CNTNAP2: variants seen among roughly 807,000 people sequenced by gnomAD.
The protein encoded by CNTNAP2 is contactin-associated protein-like 2.
CNTNAP2 carries 98 observed loss-of-function variants against 155.2 expected under a neutral mutation model. The ratio of observed to expected loss-of-function variants is 0.63; its 90% CI spans 0.54 to 0.75. The LOEUF is 0.75. Among genes scored for constraint, CNTNAP2 ranks in the 30% least tolerant of loss-of-function variants. CNTNAP2 has a pLI of 0.00. For synonymous variants in CNTNAP2, 651 were observed against 631.2 expected, an observed-to-expected ratio of 1.03 and a Z score of -0.47; for missense variants, 1,727 against 1,688.1, an observed-to-expected ratio of 1.02 and a Z score of -0.40.
At chr7:147,764,888 G>A (rs1157086356) in intron 13 of CNTNAP2, among the ~76,000 whole-genome samples, 1 of 152,190 alleles carries the variant, frequency 6.6e-6, no homozygotes, top group East Asian at 1.9e-4. Flanking sequence ...TAAGGTTTTG[G>A]TTGTTCAAAA....
chr7:146,972,124 G>A lies in CNTNAP2; in HGVS notation c.403-71783G>A, dbSNP rs1331091511. 3.3e-5 allele frequency among the ~76,000 whole-genome samples: 5 copies of A among 152,096 alleles called. No homozygotes were observed. The East Asian group carries it at 5.8e-4, about 18-fold the overall frequency. On this transcript the variant is annotated intron_variant, in intron 3 of 23. Transcript: ENST00000361727. ...CAATTAATGGTCATTGTAATGTTGA[G>A]GGGGAAAATCATCCTTGAAGATGAT...
chr7:146,149,075 A>C (rs1797996702), intron 1 of CNTNAP2, among the ~76,000 whole-genome samples: 1 of 152,028 alleles, frequency 6.6e-6, no homozygotes, highest in South Asian at 2.1e-4. Flanking sequence ...AGATACACCT[A>C]ATGTAAATGA....
chr7:147,025,859 T>C (rs1798909754), intron 3 of CNTNAP2, among the ~76,000 whole-genome samples: 1 of 141,222 alleles, frequency 7.1e-6, no homozygotes, highest in Non-Finnish European at 1.5e-5. Context: ...TTGTTTTTTT[T>C]TTTTTTAAAT....
At position 148,331,156 on chromosome 7, in the gene CNTNAP2, G is replaced by T. The variant is rs915305300; in HGVS notation, c.3476-52493G>T. Among the ~76,000 whole-genome samples the T allele has an allele frequency of 8.1e-5, 12 of 147,256 alleles. No individual in the cohort carries two copies. In the South Asian group the frequency reaches 2.6e-3, roughly 31 times the overall value. The stretch of plus-strand genomic sequence containing the variant: ...GGATGGATGGATGGAGTGGACAGAT[G>T]GAATGGACGGATGGAATGGATGGAT... On this transcript the variant is annotated intron_variant, in intron 21 of 23. Coordinates refer to ENST00000361727, the MANE Select transcript of CNTNAP2 (RefSeq NM_014141.6).
rs117305364 is a variant in CNTNAP2, at chr7:147,542,211, A to G, written c.1778-19927A>G. ...TCATGTAAGTGCCTCCTCACCTACC[A>G]CACACTTCACCATTTAAAGTGATAT... On this transcript the variant is annotated intron_variant, in intron 11 of 23. Coordinates refer to ENST00000361727, the MANE Select transcript of CNTNAP2 (RefSeq NM_014141.6). Among the ~76,000 whole-genome samples the G allele has an allele frequency of 6.6e-4, 100 of 152,044 alleles. 1 individual carries two copies. The highest frequency in any genetic ancestry group is 1.2e-3 in the Non-Finnish European group (81 of 67,974).
At chr7:146,906,116 C>T (rs565835411) in intron 3 of CNTNAP2, among the ~76,000 whole-genome samples, 5 of 152,216 alleles carry the variant, frequency 3.3e-5, no homozygotes, top group South Asian at 2.1e-4. Context: ...CGGCGCACCA[C>T]GGGACTATAT....
intron 9 of CNTNAP2, among the ~76,000 whole-genome samples, chr7:147,335,614 A>G (rs1795650956): frequency 6.6e-6 from 1 of 152,154 alleles, no homozygotes; most frequent in Non-Finnish European, 1.5e-5. Flanking sequence ...TTAAAGAGAA[A>G]CAGAGACGGA....
At chr7:147,465,309 A>G (rs538742836) in intron 10 of CNTNAP2, among the ~76,000 whole-genome samples, 51 of 152,334 alleles carry the variant, frequency 3.3e-4, no homozygotes, top group African/African-American at 1.1e-3. Context: ...TGAATCTAAA[A>G]TTTTGCTTAA....
At chr7:147,867,193 C>G (rs528416187) in intron 13 of CNTNAP2, among the ~76,000 whole-genome samples, 1 of 152,248 alleles carries the variant, frequency 6.6e-6, no homozygotes, top group South Asian at 2.1e-4. Context: ...GATTTTATTT[C>G]TGCTTCACTT....
chr7:148,111,952 G>A (rs1804362404), intron 15 of CNTNAP2, among the ~76,000 whole-genome samples: 1 of 152,180 alleles, frequency 6.6e-6, no homozygotes, highest in Admixed American at 6.5e-5. Context: ...GAAACTTGGG[G>A]ATGTAATACC....
chr7:146,132,831 G>C (rs1490744359), intron 1 of CNTNAP2, among the ~76,000 whole-genome samples: 1 of 148,962 alleles, frequency 6.7e-6, no homozygotes, highest in East Asian at 2.0e-4. Flanking sequence ...ATTTGGGTTG[G>C]TTCCAAGTCT....
chr7:147,768,079 CA>C (rs1172779815), intron 13 of CNTNAP2, among the ~76,000 whole-genome samples: 1 of 152,070 alleles, frequency 6.6e-6, no homozygotes, highest in Non-Finnish European at 1.5e-5. Context: ...TAAACAGTAG[CA>C]AAAACTTCCT....
At chr7:146,502,235 A>ATATATATATATGAATATATATGTG (rs1797314088) in intron 1 of CNTNAP2, among the ~76,000 whole-genome samples, 2 of 56,088 alleles carry the variant, frequency 3.6e-5, no homozygotes, top group African/African-American at 1.8e-4. Flanking sequence ...ATATATATAT[A>ATATATATATATGAATATATATGTG]TATATATATA....
intron 12 of CNTNAP2, among the ~76,000 whole-genome samples, chr7:147,563,505 T>C (rs1367357540): frequency 2.0e-5 from 3 of 152,016 alleles, no homozygotes; most frequent in Non-Finnish European, 4.4e-5. Flanking sequence ...GGCACACACA[T>C]GTAGTCCCAG....
chr7:147,398,474 A>T (rs1298600231), intron 10 of CNTNAP2, among the ~76,000 whole-genome samples: 1 of 151,704 alleles, frequency 6.6e-6, no homozygotes, highest in Non-Finnish European at 1.5e-5. Flanking sequence ...TGACTTTTAT[A>T]GAATGTTTGG....
chr7:146,693,250 T>G (rs1294735785), intron 1 of CNTNAP2, among the ~76,000 whole-genome samples: 1 of 152,154 alleles, frequency 6.6e-6, no homozygotes, highest in Non-Finnish European at 1.5e-5. Context: ...TAGAAATTTA[T>G]GCTAAGAATT....
At chr7:148,287,381 T>C (rs1045469038) in intron 21 of CNTNAP2, among the ~76,000 whole-genome samples, 11 of 152,220 alleles carry the variant, frequency 7.2e-5, no homozygotes, top group Non-Finnish European at 1.6e-4. Context: ...AAAACAATTG[T>C]TCAGCTTCGC....
intron 4 of CNTNAP2, among the ~76,000 whole-genome samples, chr7:147,044,899 G>A (rs1186302320): frequency 6.6e-6 from 1 of 151,940 alleles, no homozygotes; most frequent in Non-Finnish European, 1.5e-5. Context: ...AAGGTTGATG[G>A]TGAATTCTTC....
rs556299833 is a variant in CNTNAP2, at chr7:148,071,627, A to G, written c.2384-46491A>G. Among the ~76,000 whole-genome samples the G allele has an allele frequency of 2.0e-5, 3 of 152,348 alleles. No homozygotes were observed. The South Asian group carries it at 6.2e-4, about 32-fold the overall frequency. On this transcript the variant is annotated intron_variant, in intron 15 of 23. Coordinates refer to ENST00000361727, the MANE Select transcript of CNTNAP2 (RefSeq NM_014141.6). ...GGAATTCCTAGACAGACAGCTTCGC[A>G]GGCAGTATTGCCATTCAGTATCATT...
Sources: gnomAD v4.1 joint callset for allele counts (sites outside exome capture counted in the v4.1 genomes callset) on GRCh38, gnomAD v4.1.1 for gene constraint, MANE v1.5 for transcripts, NCBI Gene and HGNC (gene_info 2026-07-23, HGNC 2026-07-21) for gene names.